UNC5C: variants seen among roughly 807,000 people sequenced by gnomAD.
UNC5C encodes the protein netrin receptor UNC5C.
Under a neutral mutation model 99.8 loss-of-function variants are expected in UNC5C, and 47 were observed. That is an observed-to-expected ratio of 0.47 (90% CI 0.37 to 0.60). The LOEUF (loss-of-function observed/expected upper bound fraction) is 0.60. Among genes scored for constraint, UNC5C ranks in the 20% least tolerant of loss-of-function variants. The pLI, the probability that UNC5C is intolerant of heterozygous loss-of-function variation, is 0.00. For synonymous variants in UNC5C, 487 were observed against 452.2 expected (o/e 1.08, Z -0.98); for missense variants, 1,062 against 1,165.9 (o/e 0.91, Z 1.30).
intron 1 of UNC5C, among the ~76,000 whole-genome samples, chr4:95,441,663 C>T (rs265019): frequency 0.87 from 132,661 of 152,092 alleles, 58,473 homozygotes; most frequent in Non-Finnish European, 0.94. Context: ...TATACATAGA[C>T]ACATAATATA....
At chr4:95,218,801 C>A (rs1032549353) in intron 9 of UNC5C, among the ~76,000 whole-genome samples, 168 bp downstream of exon 9, 1 of 152,104 alleles carries the variant, frequency 6.6e-6, no homozygotes, top group Non-Finnish European at 1.5e-5. Flanking sequence ...AATGGTTTTG[C>A]TGATTTGTCT....
chr4:95,210,555 T>C (rs1186867964), intron 10 of UNC5C, among the ~76,000 whole-genome samples: 1 of 152,152 alleles, frequency 6.6e-6, no homozygotes, highest in South Asian at 2.1e-4. Flanking sequence ...CTATGTCTCA[T>C]GTGTTTTCTA....
chr4:95,332,486 A>G (rs1743154983), intron 2 of UNC5C, among the ~76,000 whole-genome samples: 1 of 150,656 alleles, frequency 6.6e-6, no homozygotes, highest in Non-Finnish European at 1.5e-5. Flanking sequence ...TTCCCTATTT[A>G]ATACGTGGTG....
intron 1 of UNC5C, among the ~76,000 whole-genome samples, chr4:95,345,929 A>T (rs1367447061): frequency 1.3e-5 from 2 of 151,958 alleles, no homozygotes; most frequent in Admixed American, 1.3e-4. Context: ...CAACCTAAAC[A>T]TTCATCTTAA....
intron 1 of UNC5C, among the ~76,000 whole-genome samples, chr4:95,454,290 T>C (rs1007897461): frequency 6.6e-6 from 1 of 152,144 alleles, no homozygotes; most frequent in East Asian, 1.9e-4. Context: ...TTCTGTTTCT[T>C]ATTCTCCATA....
At chr4:95,434,868 A>G (rs901876224) in intron 1 of UNC5C, among the ~76,000 whole-genome samples, 3 of 152,054 alleles carry the variant, frequency 2.0e-5, no homozygotes, top group African/African-American at 7.2e-5. Flanking sequence ...CAAGGGCCAC[A>G]GAGGCACTGC....
rs181660919 is a variant in UNC5C, at chr4:95,312,217, G to A, written c.347-10468C>T. 3.9e-5 allele frequency among the ~76,000 whole-genome samples: 6 copies of A among 152,208 alleles called. No individual in the cohort carries two copies. In the East Asian group the frequency reaches 9.7e-4, roughly 25 times the overall value. On this transcript the variant is annotated intron_variant, in intron 2 of 15. Coordinates refer to ENST00000453304, the MANE Select transcript of UNC5C (RefSeq NM_003728.4). ...ATTCATTATGATAGTTTCTTAGGTG[G>A]CCACACTGATGAAATGCTTATGAAT...
chr4:95,542,470 T>C (rs1281295186), intron 1 of UNC5C, among the ~76,000 whole-genome samples: 1 of 152,146 alleles, frequency 6.6e-6, no homozygotes, highest in African/African-American at 2.4e-5. Context: ...ACTTTCTAAA[T>C]TGTAACTTCA....
intron 1 of UNC5C, among the ~76,000 whole-genome samples, chr4:95,547,284 T>C (rs1466347519): frequency 6.6e-6 from 1 of 151,540 alleles, no homozygotes; most frequent in Admixed American, 6.6e-5. Context: ...AGCAGGAAAA[T>C]TTACTTCCGA....
At chr4:95,401,397 G>C (rs1395742929) in intron 1 of UNC5C, among the ~76,000 whole-genome samples, 2 of 152,038 alleles carry the variant, frequency 1.3e-5, no homozygotes, top group Non-Finnish European at 2.9e-5. Context: ...GAACTCGTAG[G>C]CTCAAGTGAT....
intron 1 of UNC5C, among the ~76,000 whole-genome samples, chr4:95,436,473 G>A (rs1402252945): frequency 6.6e-6 from 1 of 151,954 alleles, no homozygotes. Flanking sequence ...ACTGTGAGCT[G>A]TGCAGATATA....
intron 4 of UNC5C, among the ~76,000 whole-genome samples, chr4:95,275,239 T>G (rs1740817102): frequency 6.6e-6 from 1 of 152,134 alleles, no homozygotes; most frequent in South Asian, 2.1e-4. Context: ...TGACAGAAGC[T>G]TCCCCTCTGC....
In UNC5C at chr4:95,393,865, A is replaced by ATTT. The variant is rs1285086418; in HGVS notation, c.125-58235_125-58234insAAA. 3.7e-3 allele frequency among the ~76,000 whole-genome samples: 418 copies of ATTT among 113,240 alleles called. 7 individuals carry two copies. Among genetic ancestry groups the ATTT allele is most frequent in the South Asian group, 0.023 (76 of 3,320 alleles). The allele number at this position is 113,240 out of a possible 152,430, so 74.3% of individuals were successfully genotyped here. A position where few individuals can be genotyped will look rare whatever the true frequency, so the allele number is the denominator to read the frequency against. On this transcript the variant is annotated intron_variant, in intron 1 of 15. Transcript: ENST00000453304. The stretch of plus-strand genomic sequence containing the variant: ...ACAATCTACTGTTTTTTTTTTTTTA[A>ATTT]AAAAAAACAGATTGCTATAAATCTC...
At chr4:95,183,239 G>A (rs542899522) in intron 13 of UNC5C, among the ~76,000 whole-genome samples, 178 bp from the exon 14 acceptor site, 1 of 152,206 alleles carries the variant, frequency 6.6e-6, no homozygotes, top group Non-Finnish European at 1.5e-5. Context: ...GGGCCAGAGA[G>A]GTTCAATAAC....
intron 1 of UNC5C, among the ~76,000 whole-genome samples, chr4:95,521,460 C>T (rs533744507): frequency 6.6e-6 from 1 of 152,082 alleles, no homozygotes; most frequent in South Asian, 2.1e-4. Context: ...TCAGGTGATC[C>T]ACCTGGCTCG....
rs558332601 is a variant in UNC5C at position 95,357,134 on chromosome 4, T to C, written c.125-21503A>G. Among the ~76,000 whole-genome samples, 816 of 98,890 alleles carry C rather than the reference T, an allele frequency of 8.3e-3. 6 individuals are homozygous for C. The highest frequency in any genetic ancestry group is 0.044 in the African/African-American group (769 of 17,646). The allele number at this position is 98,890 out of a possible 152,430, so 64.9% of individuals were successfully genotyped here. The stretch of plus-strand genomic sequence containing the variant: ...ACTGATTTCTTGTTTTCCTTTTTTT[T>C]GTTTTTTTTTTTATTTAAAGACATG... On this transcript the variant is annotated intron_variant, in intron 1 of 15. Coordinates refer to ENST00000453304, the MANE Select transcript of UNC5C (RefSeq NM_003728.4).
At chr4:95,497,761 A>G (rs1721667952) in intron 1 of UNC5C, among the ~76,000 whole-genome samples, 1 of 152,040 alleles carries the variant, frequency 6.6e-6, no homozygotes, top group Non-Finnish European at 1.5e-5. Context: ...GAGAAAGTTA[A>G]GAAACTGTAG....
At chr4:95,449,296 T>C (rs1393255944) in intron 1 of UNC5C, among the ~76,000 whole-genome samples, 3 of 152,186 alleles carry the variant, frequency 2.0e-5, no homozygotes, top group South Asian at 4.1e-4. Flanking sequence ...GAGAGGGCCA[T>C]TGCCTGTCAT....
intron 4 of UNC5C, among the ~76,000 whole-genome samples, chr4:95,272,580 A>G (rs1254307633): frequency 2.0e-5 from 3 of 152,230 alleles, no homozygotes; most frequent in Admixed American, 6.5e-5. Context: ...GATGATCATA[A>G]TAAGGAGGTG....
Sources: allele counts gnomAD v4.1 joint callset (sites outside exome capture counted in the v4.1 genomes callset), GRCh38; gene constraint gnomAD v4.1.1; transcripts MANE v1.5; gene names NCBI Gene and HGNC (gene_info 2026-07-23, HGNC 2026-07-21).